HCN1: variants seen among roughly 807,000 people sequenced by gnomAD.
HCN1 encodes hyperpolarization activated cyclic nucleotide gated potassium channel 1.
HCN1 carries 13 observed loss-of-function variants against 78.9 expected under a neutral mutation model. The observed-to-expected ratio is 0.16, with a 90% CI of 0.11 to 0.26. HCN1 has a LOEUF of 0.26. HCN1 is among the 10% of genes least tolerant of loss of function. The probability of loss-of-function intolerance (pLI) is 1.00; values close to 1 mark genes in which losing one functional copy is unlikely to be tolerated. For missense variants in HCN1, 810 were observed against 1,154.3 expected, an observed-to-expected ratio of 0.70 and a Z score of 4.32; for synonymous variants, 552 against 455.5, an observed-to-expected ratio of 1.21 and a Z score of -2.70.
intron 2 of HCN1, among the ~76,000 whole-genome samples, chr5:45,627,362 T>C (rs926837239): frequency 6.6e-6 from 1 of 152,194 alleles, no homozygotes; most frequent in African/African-American, 2.4e-5. Flanking sequence ...TTGCATGTGA[T>C]CAGTTTGCAT....
chr5:45,692,246 G>C (rs1739928493), intron 1 of HCN1, among the ~76,000 whole-genome samples: 3 of 152,230 alleles, frequency 2.0e-5, no homozygotes, highest in South Asian at 2.1e-4. Flanking sequence ...ATTGGCTATG[G>C]AAGCACAATG....
intron 2 of HCN1, among the ~76,000 whole-genome samples, chr5:45,469,832 G>A (rs978668019): frequency 6.6e-6 from 1 of 151,432 alleles, no homozygotes; most frequent in African/African-American, 2.4e-5. Flanking sequence ...GAGAAAGATG[G>A]TGAAAAAGAA....
chr5:45,375,769 T>C lies in HCN1; in HGVS notation c.1230+20723A>G, dbSNP rs1410490162. Among the ~76,000 whole-genome samples, 289 of 101,564 alleles carry C rather than the reference T, an allele frequency of 2.8e-3. 1 individual carries two copies. Among genetic ancestry groups the C allele is most frequent in the African/African-American group, 8.0e-3 (207 of 25,914 alleles). 66.6% of individuals were successfully genotyped at this position (101,564 alleles called of 152,430 possible). A position where few individuals can be genotyped will look rare whatever the true frequency, so the allele number is the denominator to read the frequency against. On this transcript the variant is annotated intron_variant, in intron 4 of 7. Transcript: ENST00000303230. ...ATATATAATATCATATTTTATGATA[T>C]ATCTTATATATAATATAATATTTTA...
chr5:45,262,098 C>A lies in HCN1; in HGVS notation c.2496G>T (p.Arg832Ser), dbSNP rs267600644. 6.2e-7 allele frequency: 1 copy of A among 1,612,782 alleles called. No homozygotes were observed. Reference sequence around the variant, plus strand: ...GGGTGACGCGCTGCGGGACAGTGCTCCTGCCCCCTGCCTGAAGGCCCGTTC... The same window carrying A: ...GGGTGACGCGCTGCGGGACAGTGCTACTGCCCCCTGCCTGAAGGCCCGTTC... ...VPGTGLQAGG[R>S]STVPQRVTLF... The change falls in exon 8 of 8, where the codon AGG becomes AGT. Residue 832 changes from arginine to serine, a missense_variant. Coordinates refer to ENST00000303230, the MANE Select transcript of HCN1 (RefSeq NM_021072.4).
At chr5:45,469,784 AGT>A (rs148412684) in intron 2 of HCN1, among the ~76,000 whole-genome samples, 6,057 of 148,372 alleles carry the variant, frequency 0.041, 129 homozygotes, top group Non-Finnish European at 0.045. Context: ...ATTATAAAGG[AGT>A]GTGTGTGTGT....
intron 2 of HCN1, among the ~76,000 whole-genome samples, chr5:45,465,824 T>C (rs6894152): frequency 0.25 from 38,696 of 152,068 alleles, 5,104 homozygotes; most frequent in East Asian, 0.32. Context: ...ACAATGTCTT[T>C]AGGAGACACG....
intron 4 of HCN1, among the ~76,000 whole-genome samples, chr5:45,369,684 G>C (rs564242012): frequency 6.6e-4 from 101 of 151,978 alleles, no homozygotes; most frequent in Non-Finnish European, 1.2e-3. Context: ...TGTAAAAATT[G>C]AACATTTGAC....
chr5:45,601,625 C>T (rs1744627766), intron 2 of HCN1, among the ~76,000 whole-genome samples: 1 of 152,122 alleles, frequency 6.6e-6, no homozygotes. Context: ...TTTGTTTTGG[C>T]TGCCCAGAGT....
At chr5:45,282,136 T>C (rs1745181968) in intron 6 of HCN1, among the ~76,000 whole-genome samples, 1 of 152,188 alleles carries the variant, frequency 6.6e-6, no homozygotes, top group Admixed American at 6.5e-5. Flanking sequence ...TAATGATATG[T>C]ATATAAGTTT....
chr5:45,267,260 A>C lies in HCN1; in HGVS notation c.1619-7T>G. On this transcript the variant is annotated splice_polypyrimidine_tract_variant and splice_region_variant and intron_variant, in intron 6 of 7. Coordinates refer to ENST00000303230, the MANE Select transcript of HCN1 (RefSeq NM_021072.4). ...TTGGTCAGCAGGCAAATCTCTATAA[A>C]AACAAACAACAAAGAAGAATGACTT... is the stretch of plus-strand genomic sequence containing the variant. The C allele has an allele frequency of 6.2e-7, 1 of 1,613,610 alleles. No individual in the cohort carries two copies. The highest frequency in any genetic ancestry group is 8.5e-7 in the Non-Finnish European group (1 of 1,179,636).
At chr5:45,439,283 T>C (rs1299628392) in intron 3 of HCN1, among the ~76,000 whole-genome samples, 2 of 152,060 alleles carry the variant, frequency 1.3e-5, no homozygotes, top group Non-Finnish European at 2.9e-5. Flanking sequence ...ATATAATGGC[T>C]CCCAAAATCT....
chr5:45,606,815 AG>A (rs1744735300), intron 2 of HCN1, among the ~76,000 whole-genome samples: 1 of 152,084 alleles, frequency 6.6e-6, no homozygotes, highest in Non-Finnish European at 1.5e-5. Context: ...TGTAAAGTTA[AG>A]GAGGATAAAC....
rs531427399 is a variant in HCN1, at chr5:45,369,479, C to T, written c.1231-16233G>A. 2.0e-5 allele frequency among the ~76,000 whole-genome samples: 3 copies of T among 152,166 alleles called. No individual in the cohort carries two copies. The East Asian group carries it at 5.8e-4, about 29-fold the overall frequency. ...CCTATGAAACACAGCCTTTCATGGC[C>T]TATCCTATTACTGTCCTTGCTCACT... On this transcript the variant is annotated intron_variant, in intron 4 of 7. Transcript: ENST00000303230.
At chr5:45,471,419 T>C (rs1045584024) in intron 2 of HCN1, among the ~76,000 whole-genome samples, 4 of 151,974 alleles carry the variant, frequency 2.6e-5, no homozygotes, top group Non-Finnish European at 5.9e-5. Context: ...GACTCAGTTG[T>C]AGCATATCTC....
At chr5:45,524,617 C>G (rs1266643842) in intron 2 of HCN1, among the ~76,000 whole-genome samples, 1 of 152,062 alleles carries the variant, frequency 6.6e-6, no homozygotes, top group Non-Finnish European at 1.5e-5. Context: ...CTCTTTGAAG[C>G]AATTGTGAAT....
chr5:45,417,097 C>G (rs930013885), intron 3 of HCN1, among the ~76,000 whole-genome samples: 15 of 151,966 alleles, frequency 9.9e-5, no homozygotes, highest in African/African-American at 3.6e-4. Flanking sequence ...GTAATGAGAA[C>G]ATTCAGATGT....
chr5:45,570,709 T>C (rs1474440842), intron 2 of HCN1, among the ~76,000 whole-genome samples: 2 of 152,234 alleles, frequency 1.3e-5, no homozygotes, highest in Middle Eastern at 3.4e-3. Flanking sequence ...ACACCTAACA[T>C]TGTTAGTGCC....
intron 2 of HCN1, chr5:45,576,178 G>A (rs1374873977): frequency 6.6e-6 from 1 of 152,136 alleles, no homozygotes; most frequent in East Asian, 1.9e-4. Context: ...GGCGCCTCAA[G>A]AAGTGACTAC....
rs1346936569 is a variant in HCN1, at chr5:45,259,661, T to C, written c.*2260A>G. 1 of 152,384 alleles carries C rather than the reference T, an allele frequency of 6.6e-6. No individual in the cohort carries two copies. The highest frequency in any genetic ancestry group is 1.5e-5 in the Non-Finnish European group (1 of 67,930). The allele number at this position is 152,384 out of a possible 1,614,324, so 9.4% of individuals were successfully genotyped here. On this transcript the variant is annotated 3_prime_UTR_variant, in exon 8 of 8. Transcript: ENST00000303230. ...TATTACAAAGTGAATAAAAATTGTA[T>C]GGTTGCACTGAAAGACCATGCATTT...
Sources: allele counts gnomAD v4.1 joint callset (sites outside exome capture counted in the v4.1 genomes callset), GRCh38; gene constraint gnomAD v4.1.1; transcripts MANE v1.5; gene names NCBI Gene and HGNC (gene_info 2026-07-23, HGNC 2026-07-21).